DSCAML1: variants seen among roughly 807,000 people sequenced by gnomAD.
The protein encoded by DSCAML1 is DS cell adhesion molecule like 1.
In DSCAML1, 38 loss-of-function variants were observed where a neutral mutation model predicts 200.5. The ratio of observed to expected loss-of-function variants is 0.19; its 90% CI spans 0.15 to 0.25. DSCAML1 has a LOEUF of 0.25. Among genes scored for constraint, DSCAML1 ranks in the 10% least tolerant of loss-of-function variants. The pLI, the probability that DSCAML1 is intolerant of heterozygous loss-of-function variation, is 1.00. For synonymous variants in DSCAML1, 1,215 were observed against 1,165.0 expected, an observed-to-expected ratio of 1.04 and a Z score of -0.87; for missense variants, 2,223 against 2,858.8, an observed-to-expected ratio of 0.78 and a Z score of 5.07.
intron 3 of DSCAML1, among the ~76,000 whole-genome samples, chr11:117,553,338 G>A (rs1297154313): frequency 6.6e-6 from 1 of 152,196 alleles, no homozygotes; most frequent in Non-Finnish European, 1.5e-5. Context: ...AACCATCAGA[G>A]TGAAAAGGCA....
intron 19 of DSCAML1, 113 bp downstream of exon 19, chr11:117,458,641 T>C: frequency 7.3e-7 from 1 of 1,363,984 alleles, no homozygotes. Context: ...TCCCACAGTT[T>C]GAAGGCCAGG....
At chr11:117,618,930 T>C (rs685184) in intron 3 of DSCAML1, among the ~76,000 whole-genome samples, 131,862 of 152,138 alleles carry the variant, frequency 0.87, 57,275 homozygotes, top group African/African-American at 0.91. Flanking sequence ...ACCTTCCAGA[T>C]AGGGTTGCTG....
Position 117,503,349 on chromosome 11 carries a change from G to T in DSCAML1, c.2359+496C>A, listed in dbSNP as rs145163124. Reference sequence around the variant, plus strand: ...AGGTGAGGAAACTGGAGCACAGGGAGGGGGAGTGACTCGCCCAAGGTCACT... The same window carrying T: ...AGGTGAGGAAACTGGAGCACAGGGATGGGGAGTGACTCGCCCAAGGTCACT... On this transcript the variant is annotated intron_variant, in intron 11 of 32. Transcript: ENST00000651296. This position sits in a 1 kb window ranked among gnomAD's most constrained non-coding sequence, Gnocchi z 5.2. Among the ~76,000 whole-genome samples, 1 of 152,282 alleles carries T rather than the reference G, an allele frequency of 6.6e-6. No individual in the cohort carries two copies. Among genetic ancestry groups the T allele is most frequent in the East Asian group, 1.9e-4 (1 of 5,186 alleles).
chr11:117,432,996 A>T (rs1287909685), intron 29 of DSCAML1, 142 bp downstream of exon 29: 4 of 694,590 alleles, frequency 5.8e-6, no homozygotes, highest in Non-Finnish European at 1.0e-5. Context: ...AGCCACAGTG[A>T]GTTCTAAGGT....
In DSCAML1 at chr11:117,677,721, C is replaced by G. The variant is rs537929506; in HGVS notation, c.511+99070G>C. ...CTGAGCACTTTCTACGCACCAGGCT[C>G]TGTTTGAAGGACAGATATGCTAACA... On this transcript the variant is annotated intron_variant, in intron 3 of 32. Transcript: ENST00000651296. Among the ~76,000 whole-genome samples the G allele has an allele frequency of 3.7e-4, 57 of 152,342 alleles. 1 individual carries two copies. In the South Asian group the frequency reaches 0.011, roughly 30 times the overall value.
At chr11:117,670,980 T>C (rs925981428) in intron 3 of DSCAML1, among the ~76,000 whole-genome samples, 1 of 152,118 alleles carries the variant, frequency 6.6e-6, no homozygotes, top group African/African-American at 2.4e-5. Context: ...CCTATTCACG[T>C]GGATAACTGA....
intron 3 of DSCAML1, among the ~76,000 whole-genome samples, chr11:117,595,454 C>CT (rs2051346276): frequency 1.3e-5 from 2 of 152,092 alleles, no homozygotes; most frequent in African/African-American, 4.8e-5. Context: ...GTTTTATATG[C>CT]TTTTTTCATT....
upstream of DSCAML1, chr11:117,797,389 C>T (rs11216549): frequency 7.6e-6 from 6 of 787,728 alleles, no homozygotes; most frequent in Non-Finnish European, 1.1e-5. Context: ...GCGGCCCGGG[C>T]CAGACCGCCC....
chr11:117,538,233 C>T (rs536005817), intron 3 of DSCAML1, among the ~76,000 whole-genome samples: 36 of 152,334 alleles, frequency 2.4e-4, no homozygotes, highest in Non-Finnish European at 1.2e-4. Flanking sequence ...CACTCATTGA[C>T]AATTTGATGT....
At chr11:117,512,807 C>CCCCTT (rs1397613267) in intron 8 of DSCAML1, among the ~76,000 whole-genome samples, 1 of 148,448 alleles carries the variant, frequency 6.7e-6, no homozygotes, top group Non-Finnish European at 1.5e-5. Flanking sequence ...ACACACCCCT[C>CCCCTT]CCCTTCCCCC....
intron 3 of DSCAML1, among the ~76,000 whole-genome samples, chr11:117,634,767 C>A (rs956998794): frequency 6.6e-6 from 1 of 152,158 alleles, no homozygotes; most frequent in African/African-American, 2.4e-5. Flanking sequence ...CCCTACTCCT[C>A]GAGGCTGCGG....
rs555446364 is a variant in DSCAML1 at position 117,580,858 on chromosome 11, C to G, written c.512-48336G>C. On this transcript the variant is annotated intron_variant, in intron 3 of 32. Coordinates refer to ENST00000651296, the MANE Select transcript of DSCAML1 (RefSeq NM_020693.4). ...CATGATTATTAATGGGAACCTTGAA[C>G]ATGGAGAAGGTGCTGAACAGGGTCC... Among the ~76,000 whole-genome samples the G allele has an allele frequency of 2.0e-5, 3 of 152,270 alleles. No individual in the cohort carries two copies. In the South Asian group the frequency reaches 6.2e-4, roughly 32 times the overall value.
intron 3 of DSCAML1, among the ~76,000 whole-genome samples, chr11:117,637,294 C>T (rs191230209): frequency 1.4e-3 from 216 of 152,246 alleles, no homozygotes; most frequent in African/African-American, 5.0e-3. Flanking sequence ...GAGACCAGGC[C>T]CTGTCCATGG....
At position 117,695,756 on chromosome 11, in the gene DSCAML1, C is replaced by T. The variant is rs995098117; in HGVS notation, c.511+81035G>A. On this transcript the variant is annotated intron_variant, in intron 3 of 32. Coordinates refer to ENST00000651296, the MANE Select transcript of DSCAML1 (RefSeq NM_020693.4). The stretch of plus-strand genomic sequence containing the variant: ...GAGACTTCTTTCCTGGTTGGAAAAC[C>T]GGGTGCTTGCCATGAGCCTCGATTT... Among the ~76,000 whole-genome samples the T allele has an allele frequency of 4.6e-5, 7 of 152,130 alleles. No homozygotes were observed. In the South Asian group the frequency reaches 8.3e-4, roughly 18 times the overall value.
chr11:117,523,754 T>C (rs1289528660), intron 5 of DSCAML1, among the ~76,000 whole-genome samples: 1 of 151,740 alleles, frequency 6.6e-6, no homozygotes, highest in African/African-American at 2.4e-5. Flanking sequence ...GAATGGGAGG[T>C]GGGAAGAGAG....
intron 3 of DSCAML1, among the ~76,000 whole-genome samples, chr11:117,635,458 G>A (rs1565841148): frequency 1.3e-5 from 2 of 151,844 alleles, no homozygotes; most frequent in African/African-American, 2.4e-5. Context: ...GTGTGTGTGT[G>A]TGTGTGTGTG....
intron 3 of DSCAML1, among the ~76,000 whole-genome samples, chr11:117,745,150 G>A (rs1290560411): frequency 6.6e-6 from 1 of 151,554 alleles, no homozygotes; most frequent in Admixed American, 6.6e-5. Context: ...TCAGGAGGGT[G>A]GTCATCTGGG....
At chr11:117,689,972 G>A (rs2053467668) in intron 3 of DSCAML1, among the ~76,000 whole-genome samples, 1 of 152,188 alleles carries the variant, frequency 6.6e-6, no homozygotes, top group South Asian at 2.1e-4. Context: ...GATGGGGGAA[G>A]GGAAAAGAGA....
chr11:117,618,396 TA>T (rs2051855772), intron 3 of DSCAML1, among the ~76,000 whole-genome samples: 1 of 152,244 alleles, frequency 6.6e-6, no homozygotes, highest in Non-Finnish European at 1.5e-5. Flanking sequence ...CTGCTGGTTC[TA>T]CCCTTTGGAG....
Sources: gnomAD v4.1 joint callset for allele counts (sites outside exome capture counted in the v4.1 genomes callset) on GRCh38, gnomAD v4.1.1 for gene constraint, Gnocchi (gnomAD v3.1) non-coding constraint, MANE v1.5 for transcripts, NCBI Gene and HGNC (gene_info 2026-07-23, HGNC 2026-07-21) for gene names.